CADM1: variants seen among roughly 807,000 people sequenced by gnomAD.
CADM1 encodes cell adhesion molecule 1.
CADM1 carries 15 observed loss-of-function variants against 53.1 expected under a neutral mutation model. The ratio of observed to expected loss-of-function variants is 0.28; its 90% confidence interval spans 0.19 to 0.44. The LOEUF (loss-of-function observed/expected upper bound fraction) is 0.44. Ranked by LOEUF, CADM1 falls within the 20% of genes least tolerant of loss-of-function variation. The pLI, the probability that CADM1 is intolerant of heterozygous loss-of-function variation, is 1.00. For missense variants in CADM1, 434 were observed against 611.3 expected, an observed-to-expected ratio of 0.71 and a Z score of 3.06; for synonymous variants, 281 against 243.0, an observed-to-expected ratio of 1.16 and a Z score of -1.45.
Position 115,176,107 on chromosome 11 carries a change from G to A in CADM1, c.*367C>T. 1 of 1,090,676 alleles carries A rather than the reference G, an allele frequency of 9.2e-7. No homozygotes were observed. The highest frequency in any genetic ancestry group is 1.1e-6 in the Non-Finnish European group (1 of 892,528). The allele number at this position is 1,090,676 out of a possible 1,614,324, so 67.6% of individuals were successfully genotyped here. Reference sequence around the variant, plus strand: ...AGATTTTGGAAAAAATCCGAAATTGGGGTAGAGGGAGGAAATAAATGTGCA... The same window carrying A: ...AGATTTTGGAAAAAATCCGAAATTGAGGTAGAGGGAGGAAATAAATGTGCA... On this transcript the variant is annotated 3_prime_UTR_variant, in exon 12 of 12. Coordinates refer to ENST00000331581, the MANE Select transcript of CADM1 (RefSeq NM_001301043.2).
intron 1 of CADM1, among the ~76,000 whole-genome samples, chr11:115,405,250 G>A (rs1265474849): frequency 6.6e-6 from 1 of 152,166 alleles, no homozygotes; most frequent in African/African-American, 2.4e-5. Flanking sequence ...AGTGTGTCCA[G>A]CAGAAATGCA....
chr11:115,394,324 A>G (rs1434405497), intron 1 of CADM1, among the ~76,000 whole-genome samples: 2 of 152,210 alleles, frequency 1.3e-5, no homozygotes, highest in Non-Finnish European at 2.9e-5. Flanking sequence ...TTTTCTTTTA[A>G]GCTCAAATAT....
chr11:115,183,740 T>C (rs982229905), intron 10 of CADM1, among the ~76,000 whole-genome samples: 1 of 152,238 alleles, frequency 6.6e-6, no homozygotes, highest in Non-Finnish European at 1.5e-5. Flanking sequence ...AAGGCACATT[T>C]AGCAACATGG....
intron 1 of CADM1, among the ~76,000 whole-genome samples, chr11:115,370,314 A>C (rs61905806): frequency 2.0e-5 from 3 of 152,204 alleles, no homozygotes; most frequent in African/African-American, 7.2e-5. Context: ...ACAGAACACT[A>C]TAACTTGTGG....
At chr11:115,323,924 C>T (rs144083202) in intron 1 of CADM1, among the ~76,000 whole-genome samples, 1,864 of 150,216 alleles carry the variant, frequency 0.012, 138 homozygotes, top group Admixed American at 0.11. Context: ...CTAATTTGGG[C>T]CACAATGGAC....
intron 1 of CADM1, among the ~76,000 whole-genome samples, chr11:115,248,377 T>A (rs181438380): frequency 1.6e-4 from 24 of 152,296 alleles, no homozygotes; most frequent in Non-Finnish European, 3.1e-4. Flanking sequence ...AGGGCCCACA[T>A]CACTAAAAGT....
chr11:115,313,710 T>C (rs568895142), intron 1 of CADM1, among the ~76,000 whole-genome samples: 59 of 152,266 alleles, frequency 3.9e-4, no homozygotes, highest in African/African-American at 1.4e-3. Flanking sequence ...ACTAAGTTCT[T>C]TTCCATGTGG....
chr11:115,225,031 T>C (rs1039173439), intron 5 of CADM1, among the ~76,000 whole-genome samples: 1 of 152,184 alleles, frequency 6.6e-6, no homozygotes, highest in East Asian at 1.9e-4. Context: ...AAAGAGAGCT[T>C]TGAGCTCTTC....
intron 1 of CADM1, among the ~76,000 whole-genome samples, chr11:115,415,647 G>T (rs1486826862): frequency 1.3e-5 from 2 of 151,690 alleles, no homozygotes; most frequent in Non-Finnish European, 2.9e-5. Context: ...GACCAGCCTG[G>T]CCAACATGCA....
rs780425374 is a variant in CADM1, at chr11:115,231,370, C to G, written c.545G>C (p.Gly182Ala). 1.2e-6 allele frequency: 2 copies of G among 1,614,118 alleles called. No individual in the cohort carries two copies. The highest frequency in any genetic ancestry group is 1.7e-6 in the Non-Finnish European group (2 of 1,179,992). ...KPATTIRWFK[G>A]NTELKGKSEV... ...CAGCTTACCTTTTAGCTCTGTGTTC[C>G]CTTTGAACCACCTGATAGTCGTGGC... The change falls in exon 4 of 12, where the codon GGG becomes GCG. Residue 182 changes from glycine (G) to alanine (A), a missense_variant. Gly to Ala is a moderately conservative substitution (Grantham distance 60). This residue lies in a region of CADM1 where 311 missense variants were observed against 435.1 expected (regional missense o/e 0.71). Transcript: ENST00000331581.
intron 1 of CADM1, among the ~76,000 whole-genome samples, chr11:115,254,980 G>A (rs1942736023): frequency 6.6e-6 from 1 of 152,064 alleles, no homozygotes. Flanking sequence ...GAAAAGGGCT[G>A]GAGTCAGGAG....
chr11:115,471,030 A>C (rs1353468178), intron 1 of CADM1, among the ~76,000 whole-genome samples: 3 of 152,196 alleles, frequency 2.0e-5, no homozygotes, highest in African/African-American at 7.2e-5. Context: ...AGAGGGAATT[A>C]ATGAATACCC....
At chr11:115,350,903 G>T (rs1945716468) in intron 1 of CADM1, among the ~76,000 whole-genome samples, 1 of 147,756 alleles carries the variant, frequency 6.8e-6, no homozygotes, top group Non-Finnish European at 1.5e-5. Flanking sequence ...TATTTCACTT[G>T]CCGCATTCTT....
In CADM1 at chr11:115,198,394, T is replaced by C. The variant is rs1430355269; in HGVS notation, c.1111+12A>G. On this transcript the variant is annotated intron_variant, in intron 9 of 11. Transcript: ENST00000331581. ...TGCTGAGAAAGTAGATAAACAGTAA[T>C]GTGATACCAACCGTGAACTGCTGGT... 3.8e-6 allele frequency: 6 copies of C among 1,590,942 alleles called. No individual in the cohort carries two copies. Among genetic ancestry groups the C allele is most frequent in the Admixed American group, 3.4e-5 (2 of 59,542 alleles).
At chr11:115,315,704 A>G (rs1172625211) in intron 1 of CADM1, among the ~76,000 whole-genome samples, 1 of 152,010 alleles carries the variant, frequency 6.6e-6, no homozygotes, top group African/African-American at 2.4e-5. Flanking sequence ...AAACACCACC[A>G]AACAAAACAA....
chr11:115,368,305 T>C (rs10891842), intron 1 of CADM1, among the ~76,000 whole-genome samples: 66,929 of 151,598 alleles, frequency 0.44, 16,628 homozygotes, highest in Non-Finnish European at 0.58. Context: ...ACTTGTGGTG[T>C]TGCTTTATCT....
intron 1 of CADM1, among the ~76,000 whole-genome samples, chr11:115,425,794 T>C (rs1947875552): frequency 6.6e-6 from 1 of 152,224 alleles, no homozygotes. Context: ...TCTCAAAAGA[T>C]GTCCACACTA....
At chr11:115,257,473 T>G (rs1391017487) in intron 1 of CADM1, among the ~76,000 whole-genome samples, 1 of 152,214 alleles carries the variant, frequency 6.6e-6, no homozygotes, top group Non-Finnish European at 1.5e-5. Flanking sequence ...ACTAAATATG[T>G]CCAAAGCACA....
chr11:115,392,025 C>T (rs1335903956), intron 1 of CADM1, among the ~76,000 whole-genome samples: 2 of 152,122 alleles, frequency 1.3e-5, no homozygotes, highest in South Asian at 2.1e-4. Context: ...TATTTCTATA[C>T]AAGAAAAACA....
Sources: gnomAD v4.1 joint callset for allele counts (sites outside exome capture counted in the v4.1 genomes callset) on GRCh38, gnomAD v4.1.1 for gene constraint, gnomAD v4.1.1 regional missense constraint, MANE v1.5 for transcripts, NCBI Gene and HGNC (gene_info 2026-07-23, HGNC 2026-07-21) for gene names.